FAM9B: variants seen among roughly 807,000 people sequenced by gnomAD.
FAM9B encodes family with sequence similarity 9 member B.
FAM9B carries 18 observed loss-of-function variants against 16.6 expected under a neutral mutation model. That is an observed-to-expected ratio of 1.09 (90% CI 0.75 to 1.61). The LOEUF is 1.61. Ranked by LOEUF, FAM9B falls within the 40% of genes most tolerant of loss-of-function variation. The pLI, the probability that FAM9B is intolerant of heterozygous loss-of-function variation, is 0.00. For synonymous variants in FAM9B, 43 were observed against 42.6 expected, an observed-to-expected ratio of 1.01 and a Z score of -0.03; for missense variants, 155 against 136.0, an observed-to-expected ratio of 1.14 and a Z score of -0.70.
intron 5 of FAM9B, 88 bp downstream of exon 5, chrX:9,030,173 T>C (rs1366870869): frequency 3.5e-6 from 4 of 1,152,549 alleles, no homozygotes; most frequent in East Asian, 6.5e-5. Context: ...GACGCCAATA[T>C]GTACAGGATA....
chrX:9,030,322 T>C lies in FAM9B; in HGVS notation c.220A>G (p.Lys74Glu). The C allele has an allele frequency of 8.3e-7, 1 of 1,204,681 alleles. No individual in the cohort carries two copies. Among genetic ancestry groups the C allele is most frequent in the Non-Finnish European group, 1.1e-6 (1 of 891,902 alleles). Reference sequence around the variant, plus strand: ...TTGTTCTTTGTTTTGCTGCAAGTTTTATCCATTTTCATCCTTTTTCTTTTT... The same window carrying C: ...TTGTTCTTTGTTTTGCTGCAAGTTTCATCCATTTTCATCCTTTTTCTTTTT... ...TAKRKRMKMD[K>E]TCSKTKNKSK... The change falls in exon 5 of 9, where the codon AAA becomes GAA. Residue 74 changes from lysine to glutamate, a missense_variant. Coordinates refer to ENST00000327220, the MANE Select transcript of FAM9B (RefSeq NM_205849.3).
In FAM9B at chrX:9,029,836, A is replaced by G. The variant is rs771548823; in HGVS notation, c.282-418T>C. 1.1e-4 allele frequency among the ~76,000 whole-genome samples: 12 copies of G among 112,437 alleles called. No homozygotes were observed. In the East Asian group the frequency reaches 3.1e-3, roughly 29 times the overall value. ...ACTATTTCTCCACTTTGGCACACCA[A>G]TGATTTTGTAAAAGAAATAGTGAAA... On this transcript the variant is annotated intron_variant, in intron 5 of 8. Transcript: ENST00000327220.
rs1300856097 is a variant in FAM9B at position 9,024,392 on chromosome X, A to C, written c.*1017T>G. Reference sequence around the variant, plus strand: ...AATGCTTTCATTCAATTCTAAGGGGAGGTATCATTGAATGATGGACCAAAA... The same window carrying C: ...AATGCTTTCATTCAATTCTAAGGGGCGGTATCATTGAATGATGGACCAAAA... On this transcript the variant is annotated 3_prime_UTR_variant, in exon 9 of 9. Coordinates refer to ENST00000327220, the MANE Select transcript of FAM9B (RefSeq NM_205849.3). 1.8e-5 allele frequency: 2 copies of C among 111,910 alleles called. No individual in the cohort carries two copies. The highest frequency in any genetic ancestry group is 6.5e-5 in the African/African-American group (2 of 30,861). The allele number at this position is 111,910 out of a possible 1,213,427, so 9.2% of individuals were successfully genotyped here.
chrX:9,033,902 C>T lies in FAM9B; in HGVS notation c.-140G>A. 2.7e-6 allele frequency: 2 copies of T among 753,361 alleles called. 1 individual carries two copies. The allele number at this position is 753,361 out of a possible 1,213,427, so 62.1% of individuals were successfully genotyped here. ...TCAAAGAACCTGCAGGCAGCGGCAC[C>T]ACTAGGACCTCTTAGAAAACGGGTC... On this transcript the variant is annotated 5_prime_UTR_variant, in exon 1 of 9. Coordinates refer to ENST00000327220, the MANE Select transcript of FAM9B (RefSeq NM_205849.3).
chrX:9,029,937 T>C (rs1480523861), intron 5 of FAM9B, among the ~76,000 whole-genome samples: 2 of 112,322 alleles, frequency 1.8e-5, no homozygotes, highest in Admixed American at 1.9e-4. Context: ...TCGTTAAGGA[T>C]CTACAGACTA....
At chrX:9,028,836 G>A (rs947653236) in intron 6 of FAM9B, among the ~76,000 whole-genome samples, 7 of 111,201 alleles carry the variant, frequency 6.3e-5, no homozygotes, top group Non-Finnish European at 1.3e-4. Flanking sequence ...CCCTGCCATC[G>A]TAGGTCACTC....
chrX:9,031,382 A>T (rs183381473), intron 4 of FAM9B: 116 of 112,065 alleles, frequency 1.0e-3, no homozygotes, highest in African/African-American at 3.6e-3. Context: ...TTTGGAGCCA[A>T]TTACATGTTT....
Sources: allele counts gnomAD v4.1 joint callset (sites outside exome capture counted in the v4.1 genomes callset), GRCh38; gene constraint gnomAD v4.1.1; transcripts MANE v1.5; gene names NCBI Gene and HGNC (gene_info 2026-07-23, HGNC 2026-07-21).